PLAAT2: variants seen among roughly 807,000 people sequenced by gnomAD.
PLAAT2 encodes phospholipase A and acyltransferase 2, also known as HRAS like suppressor 2.
Under a neutral mutation model 12.8 loss-of-function variants are expected in PLAAT2, and 12 were observed. The observed-to-expected ratio is 0.94, with a 90% CI of 0.60 to 1.52. PLAAT2 has a LOEUF of 1.52. Ranked by LOEUF, PLAAT2 falls within the 40% of genes most tolerant of loss-of-function variation. The pLI, the probability that PLAAT2 is intolerant of heterozygous loss-of-function variation, is 0.00. For synonymous variants in PLAAT2, 79 were observed against 86.8 expected (o/e 0.91, Z 0.50); for missense variants, 166 against 208.1 (o/e 0.80, Z 1.24).
chr11:63,554,197 T>C (rs2017444870), intron 3 of PLAAT2, among the ~76,000 whole-genome samples: 1 of 145,210 alleles, frequency 6.9e-6, no homozygotes. Context: ...ACTGTGAGAA[T>C]GGCTGCTTTC....
At chr11:63,563,198 G>GCATGTGCC in intron 1 of PLAAT2, 118 bp downstream of exon 1, 2 of 1,177,810 alleles carry the variant, frequency 1.7e-6, no homozygotes, top group South Asian at 1.3e-5. Context: ...CCAGAACTCA[G>GCATGTGCC]CATGTGCCCA....
chr11:63,557,302 G>T (rs1205382650), intron 3 of PLAAT2, among the ~76,000 whole-genome samples: 1 of 152,144 alleles, frequency 6.6e-6, no homozygotes, highest in Non-Finnish European at 1.5e-5. Flanking sequence ...GAGTCAAGGG[G>T]ATTGCTTGAG....
chr11:63,559,487 A>G (rs2017498666), intron 2 of PLAAT2, among the ~76,000 whole-genome samples: 1 of 150,652 alleles, frequency 6.6e-6, no homozygotes, highest in Non-Finnish European at 1.5e-5. Context: ...TCTTCAGAAA[A>G]AGCCCTTCTC....
intron 2 of PLAAT2, 73 bp downstream of exon 2, chr11:63,560,012 C>T: frequency 2.0e-6 from 2 of 1,017,878 alleles, no homozygotes; most frequent in Non-Finnish European, 3.0e-6. Context: ...GAAGTGAGGA[C>T]AAGCACGTAA....
At chr11:63,553,145 A>C in intron 3 of PLAAT2, 80 bp from the exon 4 acceptor site, 5 of 849,074 alleles carry the variant, frequency 5.9e-6, no homozygotes, top group Non-Finnish European at 9.6e-6. Flanking sequence ...ACAGCTCAGG[A>C]AAGACTCATC....
At chr11:63,554,455 GA>G (rs1174171503) in intron 3 of PLAAT2, among the ~76,000 whole-genome samples, 1 of 151,558 alleles carries the variant, frequency 6.6e-6, no homozygotes, top group Admixed American at 6.6e-5. Context: ...AACATGGTGA[GA>G]CCCCCGTCTC....
In PLAAT2 at chr11:63,556,293, C is replaced by T. The variant is rs1399146562; in HGVS notation, c.387+2099G>A. Among the ~76,000 whole-genome samples the T allele has an allele frequency of 2.0e-5, 3 of 152,120 alleles. No individual in the cohort carries two copies. In the East Asian group the frequency reaches 5.8e-4, roughly 29 times the overall value. ...AAGTTCAACAAGAGAGGCTCCAGGACAAGGGACAAACTAAATAAAACTGCC... is the reference window on the plus strand; with the variant it reads ...AAGTTCAACAAGAGAGGCTCCAGGATAAGGGACAAACTAAATAAAACTGCC... On this transcript the variant is annotated intron_variant, in intron 3 of 3. Transcript: ENST00000255695.
At chr11:63,553,353 T>TA (rs1474230521) in intron 3 of PLAAT2, among the ~76,000 whole-genome samples, 2 of 151,672 alleles carry the variant, frequency 1.3e-5, no homozygotes, top group Admixed American at 1.3e-4. Flanking sequence ...ATTAAAAGCA[T>TA]AATAGGTCGG....
At chr11:63,558,859 C>G (rs1230908124) in intron 2 of PLAAT2, among the ~76,000 whole-genome samples, 199 bp from the exon 3 acceptor site, 1 of 152,244 alleles carries the variant, frequency 6.6e-6, no homozygotes, top group Admixed American at 6.5e-5. Flanking sequence ...CTGGTTTCCT[C>G]ATTTCTAAAG....
intron 3 of PLAAT2, among the ~76,000 whole-genome samples, chr11:63,554,263 C>A (rs1179858368): frequency 6.6e-6 from 1 of 152,068 alleles, no homozygotes; most frequent in Non-Finnish European, 1.5e-5. Flanking sequence ...TTTAATCTGC[C>A]TGACAACTCT....
At chr11:63,553,841 A>G (rs1349049397) in intron 3 of PLAAT2, among the ~76,000 whole-genome samples, 2 of 152,090 alleles carry the variant, frequency 1.3e-5, no homozygotes, top group East Asian at 1.9e-4. Flanking sequence ...ATTGGTCTCA[A>G]TGTCCCAGGT....
At chr11:63,558,324 G>A (rs2017485982) in intron 3 of PLAAT2, 68 bp downstream of exon 3, 6 of 1,568,822 alleles carry the variant, frequency 3.8e-6, no homozygotes, top group Non-Finnish European at 5.2e-6. Flanking sequence ...GCCCCAGCAG[G>A]GACCCAGCCT....
upstream of PLAAT2, among the ~76,000 whole-genome samples, chr11:63,563,864 T>C (rs1195601085): frequency 6.6e-6 from 1 of 151,682 alleles, no homozygotes; most frequent in Admixed American, 6.6e-5. Context: ...AGGATATAGA[T>C]TGAGAAGGAC....
chr11:63,563,442 G>A, upstream of PLAAT2: 1 of 1,318,878 alleles, frequency 7.6e-7, no homozygotes, highest in South Asian at 1.2e-5. Flanking sequence ...ACATAGGCTG[G>A]GTGCGGTGGC....
At chr11:63,553,852 G>A (rs1440461041) in intron 3 of PLAAT2, among the ~76,000 whole-genome samples, 1 of 152,134 alleles carries the variant, frequency 6.6e-6, no homozygotes, top group Non-Finnish European at 1.5e-5. Context: ...TGTCCCAGGT[G>A]CTGATCCCAC....
At position 63,563,360 on chromosome 11, in the gene PLAAT2, T is replaced by C; in HGVS notation, c.-36A>G. 1.2e-6 allele frequency: 2 copies of C among 1,613,956 alleles called. No individual in the cohort carries two copies. The highest frequency in any genetic ancestry group is 1.7e-6 in the Non-Finnish European group (2 of 1,179,826). ...AGATGATGTCTTGTGTGTTGCTGACTCTGTGTCCAGCCTTAAATTAGCTCT... is the reference window on the plus strand; with the variant it reads ...AGATGATGTCTTGTGTGTTGCTGACCCTGTGTCCAGCCTTAAATTAGCTCT... On this transcript the variant is annotated 5_prime_UTR_variant, in exon 1 of 4. Coordinates refer to ENST00000255695, the MANE Select transcript of PLAAT2 (RefSeq NM_017878.2).
At chr11:63,563,730 A>C (rs1380627606), upstream of PLAAT2, among the ~76,000 whole-genome samples, 1 of 151,780 alleles carries the variant, frequency 6.6e-6, no homozygotes, top group Non-Finnish European at 1.5e-5. Context: ...AAAAAAAAAA[A>C]AAAAAAACAG....
At chr11:63,563,293 T>G (rs750002589) in intron 1 of PLAAT2, 23 bp downstream of exon 1, 1 of 1,613,998 alleles carries the variant, frequency 6.2e-7, no homozygotes, top group Admixed American at 1.7e-5. Flanking sequence ...ATCAAAGCTT[T>G]AAAACCGTTT....
intron 3 of PLAAT2, among the ~76,000 whole-genome samples, chr11:63,553,373 T>G (rs1240701558): frequency 6.6e-6 from 1 of 151,966 alleles, no homozygotes; most frequent in African/African-American, 2.4e-5. Context: ...GGCTCAGTGG[T>G]TCACACCTGC....
Sources: allele counts gnomAD v4.1 joint callset (sites outside exome capture counted in the v4.1 genomes callset), GRCh38; gene constraint gnomAD v4.1.1; transcripts MANE v1.5; gene names NCBI Gene and HGNC (gene_info 2026-07-23, HGNC 2026-07-21).